The following NEIL2 variants were observed in gnomAD, a reference collection of about 807,000 sequenced individuals.
NEIL2 encodes endonuclease 8-like 2.
In NEIL2, 23 loss-of-function variants were observed where a neutral mutation model predicts 22.2. That is an observed-to-expected ratio of 1.04 (90% CI 0.75 to 1.47). The LOEUF is 1.47. Ranked by LOEUF, NEIL2 falls within the 40% of genes most tolerant of loss-of-function variation. The pLI, the probability that NEIL2 is intolerant of heterozygous loss-of-function variation, is 0.00. For missense variants in NEIL2, 583 were observed against 404.7 expected (o/e 1.44, Z -3.78); for synonymous variants, 229 against 164.8 (o/e 1.39, Z -2.99).
Position 11,779,955 on chromosome 8 carries a change from T to C in NEIL2, c.491+5T>C. ...CTGGAGGGACCCTTCCCCGAGGTAA[T>C]GGTGTGGCCATCTGATTTTCGTGGG... On this transcript the variant is annotated splice_donor_5th_base_variant and intron_variant, in intron 3 of 4. Coordinates refer to ENST00000284503, the MANE Select transcript of NEIL2 (RefSeq NM_145043.4). 3 of 1,611,694 alleles carry C rather than the reference T, an allele frequency of 1.9e-6. No individual in the cohort carries two copies. The highest frequency in any genetic ancestry group is 2.5e-6 in the Non-Finnish European group (3 of 1,178,092).
chr8:11,785,918 C>T, intron 4 of NEIL2, 45 bp from the exon 5 acceptor site: 1 of 1,573,014 alleles, frequency 6.4e-7, no homozygotes, highest in South Asian at 1.1e-5. Flanking sequence ...TTCATCATGC[C>T]ATGTGTCCTT....
At chr8:11,776,026 C>T (rs973235700) in intron 2 of NEIL2, among the ~76,000 whole-genome samples, 2 of 152,198 alleles carry the variant, frequency 1.3e-5, no homozygotes, top group Non-Finnish European at 2.9e-5. Context: ...TACAGCAATG[C>T]CCCCCTCCCA....
At chr8:11,771,656 A>G (rs112118560) in intron 2 of NEIL2, 71 bp downstream of exon 2, 82 of 1,513,336 alleles carry the variant, frequency 5.4e-5, no homozygotes, top group African/African-American at 8.2e-5. Context: ...CTATCCCCAT[A>G]TGTCTCAGGG....
chr8:11,783,223 G>A lies in NEIL2; in HGVS notation c.512G>A (p.Gly171Asp), dbSNP rs750375623. 1 of 1,614,142 alleles carries A rather than the reference G, an allele frequency of 6.2e-7. No homozygotes were observed. The highest frequency in any genetic ancestry group is 1.3e-5 in the African/African-American group (1 of 74,946). The change falls in exon 4 of 5, where the codon GGT (glycine) becomes GAT (aspartate). Residue 171 changes from glycine to aspartate, a missense_variant. Transcript: ENST00000284503. The part of the protein sequence containing the change: ...PSPRLVLHFG[G>D]GGFLAFYNCQ... The stretch of plus-strand genomic sequence containing the variant: ...CCCAGGTTGGTCCTGCACTTTGGTG[G>A]TGGTGGCTTCCTGGCATTTTATAAT...
At chr8:11,777,517 T>C (rs1295253644) in intron 2 of NEIL2, among the ~76,000 whole-genome samples, 1 of 152,206 alleles carries the variant, frequency 6.6e-6, no homozygotes, top group East Asian at 1.9e-4. Flanking sequence ...TCCATACCTG[T>C]TGAACGCTAA....
intron 2 of NEIL2, among the ~76,000 whole-genome samples, chr8:11,772,705 A>T (rs1389839837): frequency 2.6e-5 from 4 of 152,118 alleles, no homozygotes; most frequent in African/African-American, 4.8e-5. Flanking sequence ...GGCACGTAGG[A>T]AGCACGGGTG....
At chr8:11,777,585 G>C (rs1042137606) in intron 2 of NEIL2, among the ~76,000 whole-genome samples, 3 of 151,900 alleles carry the variant, frequency 2.0e-5, no homozygotes, top group Middle Eastern at 3.2e-3. Context: ...TTTCTGTCTC[G>C]ATGAATTTTA....
chr8:11,771,037 T>C (rs202214701), intron 1 of NEIL2, among the ~76,000 whole-genome samples: 1 of 152,084 alleles, frequency 6.6e-6, no homozygotes, highest in Non-Finnish European at 1.5e-5. Context: ...AGAATGGCTG[T>C]TTTTTGAGAG....
chr8:11,772,000 C>G (rs1803494594), intron 2 of NEIL2, among the ~76,000 whole-genome samples: 1 of 151,826 alleles, frequency 6.6e-6, no homozygotes, highest in Non-Finnish European at 1.5e-5. Flanking sequence ...GTCAGGAGTT[C>G]AAGACCAGCC....
rs1358035602 is a variant in NEIL2 at position 11,770,170 on chromosome 8, C to T, written c.-168C>T. ...GAAGTCCCTTCCGCGTCTCATCTTTCAAGGCTGTTGCAGAGGCGGCTTGCT... is the reference window on the plus strand; with the variant it reads ...GAAGTCCCTTCCGCGTCTCATCTTTTAAGGCTGTTGCAGAGGCGGCTTGCT... On this transcript the variant is annotated 5_prime_UTR_variant, in exon 1 of 5. Coordinates refer to ENST00000284503, the MANE Select transcript of NEIL2 (RefSeq NM_145043.4). The T allele has an allele frequency of 6.6e-6, 1 of 151,996 alleles. No homozygotes were observed. The highest frequency in any genetic ancestry group is 1.5e-5 in the Non-Finnish European group (1 of 68,044). 9.4% of individuals were successfully genotyped at this position (151,996 alleles called of 1,614,324 possible).
chr8:11,776,872 C>G (rs901070148), intron 2 of NEIL2, among the ~76,000 whole-genome samples: 9 of 152,170 alleles, frequency 5.9e-5, no homozygotes, highest in African/African-American at 2.2e-4. Context: ...TATCTCCTGT[C>G]TGCTCCTCCT....
chr8:11,777,190 A>G (rs1803980470), intron 2 of NEIL2, among the ~76,000 whole-genome samples: 1 of 149,808 alleles, frequency 6.7e-6, no homozygotes, highest in African/African-American at 2.5e-5. Flanking sequence ...TGGGCGTTTC[A>G]CTTTGTTACC....
At chr8:11,779,979 G>T (rs773996321) in intron 3 of NEIL2, 29 bp downstream of exon 3, 1 of 1,586,174 alleles carries the variant, frequency 6.3e-7, no homozygotes, top group South Asian at 1.1e-5. Flanking sequence ...GATTTTCGTG[G>T]GCTCTGATAG....
intron 1 of NEIL2, among the ~76,000 whole-genome samples, chr8:11,770,604 G>A (rs1383819960): frequency 6.6e-6 from 1 of 152,196 alleles, no homozygotes; most frequent in Non-Finnish European, 1.5e-5. Flanking sequence ...TATCTACTTA[G>A]TTCTTTTCGA....
chr8:11,774,210 A>G (rs1803714922), intron 2 of NEIL2, among the ~76,000 whole-genome samples: 1 of 152,122 alleles, frequency 6.6e-6, no homozygotes, highest in Non-Finnish European at 1.5e-5. Flanking sequence ...CCCCATCTCT[A>G]CTAAAGATGC....
intron 4 of NEIL2, 42 bp downstream of exon 4, chr8:11,783,441 A>G (rs918108498): frequency 3.8e-6 from 6 of 1,587,974 alleles, no homozygotes; most frequent in Admixed American, 3.3e-5. Context: ...GAGTTGCTTC[A>G]TGGAAAAGTC....
At chr8:11,773,882 T>C (rs1803682873) in intron 2 of NEIL2, among the ~76,000 whole-genome samples, 1 of 152,166 alleles carries the variant, frequency 6.6e-6, no homozygotes, top group African/African-American at 2.4e-5. Flanking sequence ...TCCAGGGTGG[T>C]ATAGGAGCAA....
intron 1 of NEIL2, 93 bp from the exon 2 acceptor site, chr8:11,771,353 A>C (rs1803417012): frequency 6.5e-7 from 1 of 1,540,834 alleles, no homozygotes; most frequent in Non-Finnish European, 8.9e-7. Flanking sequence ...TTGGCAGCAA[A>C]AATGGCGGCA....
chr8:11,786,126 G>T lies in NEIL2; in HGVS notation c.852G>T (p.Gln284His). Residue 284 changes from glutamine to histidine, a missense_variant, in exon 5 of 5, where the codon CAG (glutamine) becomes CAT (histidine). By Grantham distance (24) the Gln-to-His change is conservative. Coordinates refer to ENST00000284503, the MANE Select transcript of NEIL2 (RefSeq NM_145043.4). ...TCCAAGGCAGACCGCAGCACACACA[G>T]GTCTACCAGAAAGAACAGTGCCCTG... ...GKFQGRPQHTQVYQKEQCPAG... is the reference protein window; with the variant it reads ...GKFQGRPQHTHVYQKEQCPAG... 1 of 1,614,156 alleles carries T rather than the reference G, an allele frequency of 6.2e-7. No individual in the cohort carries two copies. The highest frequency in any genetic ancestry group is 8.5e-7 in the Non-Finnish European group (1 of 1,180,024).
Sources: allele counts gnomAD v4.1 joint callset (sites outside exome capture counted in the v4.1 genomes callset), GRCh38; gene constraint gnomAD v4.1.1; transcripts MANE v1.5; gene names NCBI Gene and HGNC (gene_info 2026-07-23, HGNC 2026-07-21).